GALNT13: variants seen among roughly 807,000 people sequenced by gnomAD.
GALNT13 encodes the protein UDP-GalNAc:polypeptide N-acetylgalactosaminyltransferase 13.
GALNT13 carries 28 observed loss-of-function variants against 64.2 expected under a neutral mutation model. The observed-to-expected ratio is 0.44, with a 90% CI of 0.32 to 0.60. The LOEUF is 0.60. Ranked by LOEUF, GALNT13 falls within the 20% of genes least tolerant of loss-of-function variation. The probability of loss-of-function intolerance (pLI) is 0.05; values close to 1 mark genes in which losing one functional copy is unlikely to be tolerated. For missense variants in GALNT13, 577 were observed against 669.8 expected (o/e 0.86, Z 1.53); for synonymous variants, 214 against 224.6 (o/e 0.95, Z 0.42).
chr2:153,670,549 A>G, the GALNT13 span, among the ~76,000 whole-genome samples: 1 of 152,196 alleles, frequency 6.6e-6, no homozygotes, highest in African/African-American at 2.4e-5. Context: ...TCCATACCTC[A>G]CCAACATCAA....
intron 7 of GALNT13, among the ~76,000 whole-genome samples, chr2:154,249,120 T>G (rs1689937505): frequency 6.6e-6 from 1 of 152,110 alleles, no homozygotes; most frequent in Non-Finnish European, 1.5e-5. Context: ...TTTAATTAAT[T>G]TGGGGATGAG....
the GALNT13 span, among the ~76,000 whole-genome samples, chr2:153,287,965 C>T: frequency 6.6e-6 from 1 of 152,100 alleles, no homozygotes; most frequent in Admixed American, 6.5e-5. Flanking sequence ...CATATCAATT[C>T]CGTTTGTCTC....
the GALNT13 span, among the ~76,000 whole-genome samples, chr2:153,172,298 G>A: frequency 1.3e-5 from 2 of 152,064 alleles, no homozygotes; most frequent in South Asian, 2.1e-4. Context: ...AGCCACCTTC[G>A]TTTTTCATAC....
chr2:153,738,168 A>G, the GALNT13 span, among the ~76,000 whole-genome samples: 2,388 of 152,126 alleles, frequency 0.016, 62 homozygotes, highest in African/African-American at 0.055. Flanking sequence ...TGCTTTTAAT[A>G]CATGAATTGA....
chr2:153,200,459 T>C, the GALNT13 span, among the ~76,000 whole-genome samples: 4 of 152,206 alleles, frequency 2.6e-5, no homozygotes, highest in East Asian at 3.8e-4. Flanking sequence ...GAAACCCTTT[T>C]GTGTCAGGTC....
At chr2:153,361,208 C>T in the GALNT13 span, among the ~76,000 whole-genome samples, 2 of 152,144 alleles carry the variant, frequency 1.3e-5, no homozygotes, top group African/African-American at 2.4e-5. Context: ...AAACCACATC[C>T]GAGGGTCAGC....
chr2:153,629,203 C>CT, the GALNT13 span, among the ~76,000 whole-genome samples: 28,494 of 131,408 alleles, frequency 0.22, 2,814 homozygotes, highest in African/African-American at 0.32. Flanking sequence ...TCCCCTTTAT[C>CT]ATTTTTTTTT....
the GALNT13 span, among the ~76,000 whole-genome samples, chr2:153,255,726 A>C: frequency 6.6e-6 from 1 of 152,072 alleles, no homozygotes; most frequent in Non-Finnish European, 1.5e-5. Flanking sequence ...TCACTTATGA[A>C]GCTTAGTTTG....
the GALNT13 span, among the ~76,000 whole-genome samples, chr2:153,318,236 T>A: frequency 1.3e-5 from 2 of 151,294 alleles, no homozygotes; most frequent in African/African-American, 4.9e-5. Context: ...GGCTTGGAAA[T>A]TCAGCTCCTC....
chr2:153,156,641 A>G, the GALNT13 span, among the ~76,000 whole-genome samples: 20 of 152,198 alleles, frequency 1.3e-4, no homozygotes, highest in African/African-American at 4.8e-4. Context: ...TCAATGTTAA[A>G]ATATCAATGC....
the GALNT13 span, among the ~76,000 whole-genome samples, chr2:153,199,758 A>T: frequency 6.6e-6 from 1 of 152,232 alleles, no homozygotes; most frequent in African/African-American, 2.4e-5. Context: ...AAAAGCAATG[A>T]TAACTCACAT....
the GALNT13 span, among the ~76,000 whole-genome samples, chr2:153,182,380 G>T: frequency 6.6e-6 from 1 of 152,110 alleles, no homozygotes; most frequent in Non-Finnish European, 1.5e-5. Context: ...CTTTCTAAGG[G>T]TATTCACTTT....
chr2:153,657,298 TATG>T, the GALNT13 span, among the ~76,000 whole-genome samples: 1 of 152,038 alleles, frequency 6.6e-6, no homozygotes, highest in Non-Finnish European at 1.5e-5. Context: ...AGAGTTAGAA[TATG>T]ATATGTATGC....
At chr2:154,303,773 T>C (rs1693580665) in intron 9 of GALNT13, among the ~76,000 whole-genome samples, 1 of 152,056 alleles carries the variant, frequency 6.6e-6, no homozygotes, top group Non-Finnish European at 1.5e-5. Flanking sequence ...TTTTTTTTTT[T>C]TTTGAGTCGG....
chr2:153,893,514 TA>T (rs1201536449), intron 1 of GALNT13, among the ~76,000 whole-genome samples: 3 of 152,128 alleles, frequency 2.0e-5, no homozygotes, highest in Non-Finnish European at 4.4e-5. Context: ...GTAACAATGT[TA>T]ACATTTCACT....
intron 3 of GALNT13, among the ~76,000 whole-genome samples, chr2:154,122,965 C>G (rs780099142): frequency 9.9e-5 from 15 of 151,632 alleles, no homozygotes; most frequent in Non-Finnish European, 1.8e-4. Context: ...AGGTACCTCA[C>G]CTCTACAGGA....
the GALNT13 span, among the ~76,000 whole-genome samples, chr2:153,632,701 T>TTATC: frequency 6.6e-6 from 1 of 152,108 alleles, no homozygotes; most frequent in African/African-American, 2.4e-5. Context: ...CATTAAAGAT[T>TTATC]TATCTGTGTT....
the GALNT13 span, among the ~76,000 whole-genome samples, chr2:153,612,043 T>A: frequency 6.6e-6 from 1 of 152,134 alleles, no homozygotes; most frequent in Non-Finnish European, 1.5e-5. Flanking sequence ...AACTCATCCT[T>A]TTTTATGGCT....
intron 4 of GALNT13, among the ~76,000 whole-genome samples, chr2:154,169,822 C>T (rs767468783): frequency 1.7e-4 from 26 of 152,006 alleles, no homozygotes; most frequent in Non-Finnish European, 3.5e-4. Context: ...GATGAGTCTC[C>T]GTGATTGGGT....
Sources: allele counts gnomAD v4.1 joint callset (sites outside exome capture counted in the v4.1 genomes callset), GRCh38; gene constraint gnomAD v4.1.1; transcripts MANE v1.5; gene names NCBI Gene and HGNC (gene_info 2026-07-23, HGNC 2026-07-21).